PTPRF: variants seen among roughly 807,000 people sequenced by gnomAD.
PTPRF encodes receptor-type tyrosine-protein phosphatase F.
PTPRF carries 59 observed loss-of-function variants against 201.8 expected under a neutral mutation model. The observed-to-expected ratio is 0.29, with a 90% confidence interval of 0.24 to 0.36. The LOEUF is 0.36. Ranked by LOEUF, PTPRF falls within the 10% of genes least tolerant of loss-of-function variation. PTPRF has a pLI of 1.00. For missense variants in PTPRF, 2,132 were observed against 2,690.5 expected (o/e 0.79, Z 4.59); for synonymous variants, 1,088 against 1,089.7 (o/e 1.00, Z 0.03).
At position 43,620,600 on chromosome 1, in the gene PTPRF, T is replaced by G. The variant is rs779744770; in HGVS notation, c.5364+21T>G. 1.9e-5 allele frequency: 31 copies of G among 1,610,248 alleles called. No individual in the cohort carries two copies. In the South Asian group the frequency reaches 3.2e-4, roughly 17 times the overall value. On this transcript the variant is annotated intron_variant, in intron 31 of 33. Coordinates refer to ENST00000359947, the MANE Select transcript of PTPRF (RefSeq NM_002840.5). The stretch of plus-strand genomic sequence containing the variant: ...CCCGGGTGAGTGAGTGCATTGAGTG[T>G]GTCCATAACGCTGCCTGTCCACACG...
intron 2 of PTPRF, among the ~76,000 whole-genome samples, chr1:43,539,119 G>A (rs1006157009): frequency 1.5e-4 from 23 of 152,328 alleles, no homozygotes; most frequent in African/African-American, 5.3e-4. Context: ...GGTGGCACTG[G>A]TCTGTGTGCG....
intron 6 of PTPRF, 64 bp downstream of exon 6, chr1:43,569,842 A>G: frequency 2.0e-6 from 3 of 1,508,192 alleles, no homozygotes; most frequent in South Asian, 2.6e-5. Flanking sequence ...GTCAGATCCC[A>G]GCACAGCCTA....
intron 8 of PTPRF, among the ~76,000 whole-genome samples, chr1:43,589,695 GA>G (rs55816248): frequency 0.13 from 13,665 of 106,236 alleles, 917 homozygotes; most frequent in African/African-American, 0.27. Flanking sequence ...CCATCTCTAC[GA>G]AAAAAAAAAA....
Position 43,553,913 on chromosome 1 carries a change from C to G in PTPRF, c.351C>G (p.Asn117Lys). The change falls in exon 5 of 34, where the codon AAC becomes AAG. Residue 117 changes from asparagine to lysine, a missense_variant. This residue lies in a region of PTPRF where 297 missense variants were observed against 454.0 expected (regional missense o/e 0.65). Transcript: ENST00000359947. The surrounding 1 kb of genome is among the most constrained non-coding windows in gnomAD (Gnocchi z 4.1). ...CTACTAACAGCCTGGGTGAGATCAA[C>G]ACTAGTGCCAAGCTCTCAGTGCTCG... is the stretch of plus-strand genomic sequence containing the variant. Reference protein sequence around the residue: ...CTATNSLGEINTSAKLSVLEE... With the variant: ...CTATNSLGEIKTSAKLSVLEE... The G allele has an allele frequency of 3.1e-6, 5 of 1,614,180 alleles. No individual in the cohort carries two copies. The highest frequency in any genetic ancestry group is 4.2e-6 in the Non-Finnish European group (5 of 1,180,024).
intron 5 of PTPRF, among the ~76,000 whole-genome samples, chr1:43,567,875 T>A (rs1371461738): frequency 6.6e-6 from 1 of 152,098 alleles, no homozygotes; most frequent in Non-Finnish European, 1.5e-5. Context: ...GGTGCTGGTC[T>A]CCCCCACCAT....
At chr1:43,574,385 TAAA>T (rs990247831) in intron 6 of PTPRF, among the ~76,000 whole-genome samples, 79 of 152,266 alleles carry the variant, frequency 5.2e-4, no homozygotes, top group Admixed American at 1.8e-3. Context: ...TTTAAAATAA[TAAA>T]AACCTATTAT....
chr1:43,579,589 C>A (rs1350157959), intron 7 of PTPRF: 5 of 282,582 alleles, frequency 1.8e-5, no homozygotes, highest in African/African-American at 1.1e-4. Context: ...CAGAGAGGAA[C>A]CTGGGGACTG....
chr1:43,562,417 C>G (rs750748846), intron 5 of PTPRF, among the ~76,000 whole-genome samples: 6 of 150,078 alleles, frequency 4.0e-5, no homozygotes, highest in Non-Finnish European at 7.4e-5. Flanking sequence ...CCTGAGAGGA[C>G]TTTTTTGAAA....
chr1:43,533,904 T>C (rs1643862384), intron 1 of PTPRF, among the ~76,000 whole-genome samples: 2 of 152,288 alleles, frequency 1.3e-5, no homozygotes, highest in Non-Finnish European at 1.5e-5. Flanking sequence ...CCTTTCTTCC[T>C]TTGGGACTAA....
intron 24 of PTPRF, 27 bp downstream of exon 24, chr1:43,617,595 C>G (rs1230847288): frequency 6.2e-7 from 1 of 1,613,396 alleles, no homozygotes; most frequent in Non-Finnish European, 8.5e-7. Flanking sequence ...CCCCTCCCAT[C>G]CCCTTGCTCT....
At chr1:43,550,874 T>TA (rs1012572689) in intron 3 of PTPRF, among the ~76,000 whole-genome samples, 6 of 151,804 alleles carry the variant, frequency 4.0e-5, no homozygotes, top group African/African-American at 1.2e-4. Flanking sequence ...GAATGGAAGT[T>TA]AGAGTGTATG....
At chr1:43,545,202 T>C in intron 3 of PTPRF, 36 bp downstream of exon 3, 1 of 1,547,152 alleles carries the variant, frequency 6.5e-7, no homozygotes, top group African/African-American at 1.4e-5. Flanking sequence ...ATCTCCCAGG[T>C]TGAAAGGTGG....
At position 43,554,228 on chromosome 1, in the gene PTPRF, AG is replaced by A. The variant is rs1255789027; in HGVS notation, c.379+288del. ...GGTCTGACTTGAGGTGTGGAGCTGC[AG>A]CTGTGTATCCCTTGGGTTACGTGGT... is the stretch of plus-strand genomic sequence containing the variant. On this transcript the variant is annotated intron_variant, in intron 5 of 33. Coordinates refer to ENST00000359947, the MANE Select transcript of PTPRF (RefSeq NM_002840.5). This position sits in a 1 kb window ranked among gnomAD's most constrained non-coding sequence, Gnocchi z 4.1. Among the ~76,000 whole-genome samples, 1 of 152,060 alleles carries A rather than the reference AG, an allele frequency of 6.6e-6. No homozygotes were observed. Among genetic ancestry groups the A allele is most frequent in the Non-Finnish European group, 1.5e-5 (1 of 68,010 alleles).
In PTPRF at chr1:43,603,701, T is replaced by C. The variant is rs1258769633; in HGVS notation, c.2549T>C (p.Leu850Pro). 1 of 1,613,758 alleles carries C rather than the reference T, an allele frequency of 6.2e-7. No individual in the cohort carries two copies. The highest frequency in any genetic ancestry group is 1.3e-5 in the African/African-American group (1 of 75,052). ...CCACCCAAGGAACTGCCTGGCGAGC[T>C]GCTGGGCTACCGGCTGCAGTACTGC... ...WHPPKELPGE[L>P]LGYRLQYCRA... The change falls in exon 16 of 34, where the codon CTG becomes CCG. Residue 850 changes from leucine (L) to proline (P), a missense_variant. Leu to Pro is a moderately conservative substitution (Grantham distance 98). Coordinates refer to ENST00000359947, the MANE Select transcript of PTPRF (RefSeq NM_002840.5). This position sits in a 1 kb window ranked among gnomAD's most constrained non-coding sequence, Gnocchi z 5.8.
In PTPRF at chr1:43,606,963, C is replaced by T; in HGVS notation, c.3852C>T (p.Phe1284=). The change falls in exon 21 of 34, where the codon TTC becomes TTT. Residue 1284 remains phenylalanine, a synonymous_variant. Transcript: ENST00000359947. ...IILIVIAILL[F]KRKRTHSPSS... ...TCATTGTCATCGCCATCCTCTTGTT[C>T]AAAAGGTGAGCACTGCCCTCAGAGC... 1.9e-6 allele frequency: 3 copies of T among 1,613,958 alleles called. No homozygotes were observed. The highest frequency in any genetic ancestry group is 2.5e-6 in the Non-Finnish European group (3 of 1,179,996).
chr1:43,578,788 C>T, intron 6 of PTPRF, 22 bp from the exon 7 acceptor site: 1 of 1,591,730 alleles, frequency 6.3e-7, no homozygotes, highest in Non-Finnish European at 8.6e-7. Flanking sequence ...CGTGCCTGAC[C>T]TCTCGCTTCG....
upstream of PTPRF, among the ~76,000 whole-genome samples, chr1:43,526,351 T>A (rs187404694): frequency 2.0e-5 from 3 of 152,064 alleles, no homozygotes; most frequent in African/African-American, 7.2e-5. Context: ...TCCCAGCGCT[T>A]TGGGAGGCTG....
In PTPRF at chr1:43,619,058, G is replaced by C. The variant is rs1381131887; in HGVS notation, c.4502G>C (p.Ser1501Thr). Residue 1501 changes from serine to threonine, a missense_variant, in exon 27 of 34, where the codon AGT (serine) becomes ACT (threonine). Ser to Thr is a moderately conservative substitution (Grantham distance 58). This residue lies in a region of PTPRF where 519 missense variants were observed against 659.5 expected (regional missense o/e 0.79). Coordinates refer to ENST00000359947, the MANE Select transcript of PTPRF (RefSeq NM_002840.5). ...CACTTTGTCCCCCAGAGTGGCTCCAGTGAGAAGCGCGAGCTGCGTCAGTTT... is the reference window on the plus strand; with the variant it reads ...CACTTTGTCCCCCAGAGTGGCTCCACTGAGAAGCGCGAGCTGCGTCAGTTT... Reference protein sequence around the residue: ...RTFALHKSGSSEKRELRQFQF... With the variant: ...RTFALHKSGSTEKRELRQFQF... The C allele has an allele frequency of 6.2e-7, 1 of 1,613,630 alleles. No individual in the cohort carries two copies.
At position 43,597,730 on chromosome 1, in the gene PTPRF, C is replaced by T. The variant is rs777245105; in HGVS notation, c.1814-18C>T. The T allele has an allele frequency of 3.5e-6, 5 of 1,426,248 alleles. No individual in the cohort carries two copies. The highest frequency in any genetic ancestry group is 1.2e-5 in the South Asian group (1 of 80,928). 88.3% of individuals were successfully genotyped at this position (1,426,248 alleles called of 1,614,324 possible). ...CCACCCTCCATCTGCTTGCTTCCCC[C>T]CCATTTGTCTTCCCCAGCCCCCTCC... On this transcript the variant is annotated intron_variant, in intron 11 of 33. Coordinates refer to ENST00000359947, the MANE Select transcript of PTPRF (RefSeq NM_002840.5).
Sources: gnomAD v4.1 joint callset for allele counts (sites outside exome capture counted in the v4.1 genomes callset) on GRCh38, gnomAD v4.1.1 for gene constraint, gnomAD v4.1.1 regional missense constraint, Gnocchi (gnomAD v3.1) non-coding constraint, MANE v1.5 for transcripts, NCBI Gene and HGNC (gene_info 2026-07-23, HGNC 2026-07-21) for gene names.